GRID1: variants seen among roughly 807,000 people sequenced by gnomAD.
The protein encoded by GRID1 is glutamate ionotropic receptor delta type subunit 1.
In GRID1, 28 loss-of-function variants were observed where a neutral mutation model predicts 98.0. That is an observed-to-expected ratio of 0.29 (90% confidence interval 0.21 to 0.39). GRID1 has a LOEUF of 0.39. Among genes scored for constraint, GRID1 ranks in the 10% least tolerant of loss-of-function variants. The pLI, the probability that GRID1 is intolerant of heterozygous loss-of-function variation, is 1.00. For missense variants in GRID1, 1,111 were observed against 1,340.5 expected (o/e 0.83, Z 2.67); for synonymous variants, 553 against 538.5 (o/e 1.03, Z -0.37).
intron 2 of GRID1, among the ~76,000 whole-genome samples, chr10:86,306,913 C>A (rs903674621): frequency 1.3e-5 from 2 of 152,230 alleles, no homozygotes; most frequent in African/African-American, 4.8e-5. Context: ...TAACACTGCA[C>A]ATAATCAATA....
In GRID1 at chr10:85,724,695, T is replaced by A. The variant is rs755788838; in HGVS notation, c.1534-19A>T. 3 of 1,593,024 alleles carry A rather than the reference T, an allele frequency of 1.9e-6. No individual in the cohort carries two copies. In the East Asian group the frequency reaches 6.7e-5, roughly 36 times the overall value. Reference sequence around the variant, plus strand: ...CTGCTCTCTGAAAGGCAAAGCCATCTCATTTAGACGGCAGTCCTCAGCTTA... The same window carrying A: ...CTGCTCTCTGAAAGGCAAAGCCATCACATTTAGACGGCAGTCCTCAGCTTA... On this transcript the variant is annotated intron_variant, in intron 10 of 15. Transcript: ENST00000327946.
chr10:85,670,394 A>C (rs1841071425), intron 12 of GRID1, among the ~76,000 whole-genome samples: 1 of 152,232 alleles, frequency 6.6e-6, no homozygotes, highest in South Asian at 2.1e-4. Context: ...TGGGCTTTTT[A>C]AACAAGCCCA....
At chr10:85,993,412 G>T (rs1054515305) in intron 4 of GRID1, among the ~76,000 whole-genome samples, 18 of 152,240 alleles carry the variant, frequency 1.2e-4, no homozygotes, top group African/African-American at 4.3e-4. Context: ...AGGGTCACTT[G>T]TATGTGTAAA....
intron 13 of GRID1, among the ~76,000 whole-genome samples, chr10:85,622,401 A>AT (rs1418749176): frequency 6.6e-6 from 1 of 151,712 alleles, no homozygotes; most frequent in Admixed American, 6.6e-5. Flanking sequence ...CATTATATTT[A>AT]TTTTTTCTTT....
chr10:86,177,116 G>A (rs1487753390), intron 3 of GRID1, among the ~76,000 whole-genome samples: 3 of 150,972 alleles, frequency 2.0e-5, no homozygotes, highest in Admixed American at 1.3e-4. Flanking sequence ...CCAGGATCCC[G>A]ACCTCCCCCG....
intron 4 of GRID1, among the ~76,000 whole-genome samples, chr10:85,952,174 G>T (rs1030717936): frequency 1.3e-5 from 2 of 152,194 alleles, no homozygotes; most frequent in East Asian, 3.8e-4. Context: ...AAACAGGAAG[G>T]AAATGCAAGA....
chr10:85,609,955 T>A (rs1842715342), intron 15 of GRID1, among the ~76,000 whole-genome samples: 1 of 152,108 alleles, frequency 6.6e-6, no homozygotes, highest in Non-Finnish European at 1.5e-5. Context: ...TTAGAAAAAA[T>A]ATGAGCTGAA....
chr10:85,671,684 A>G (rs560160444), intron 12 of GRID1, among the ~76,000 whole-genome samples: 40 of 152,348 alleles, frequency 2.6e-4, no homozygotes, highest in Non-Finnish European at 4.1e-4. Context: ...AAATCTAGAA[A>G]TGATTACACT....
chr10:85,703,203 C>T (rs1324060516), intron 12 of GRID1, among the ~76,000 whole-genome samples: 1 of 151,944 alleles, frequency 6.6e-6, no homozygotes, highest in Admixed American at 6.6e-5. Context: ...ATAAAGGCAA[C>T]AGAAAATGTT....
chr10:86,071,698 A>G (rs1363350439), intron 4 of GRID1, among the ~76,000 whole-genome samples: 1 of 152,124 alleles, frequency 6.6e-6, no homozygotes, highest in Non-Finnish European at 1.5e-5. Flanking sequence ...AGGCATGCTG[A>G]GGGAGGTGGT....
At chr10:86,000,177 G>T (rs1842787695) in intron 4 of GRID1, among the ~76,000 whole-genome samples, 1 of 152,090 alleles carries the variant, frequency 6.6e-6, no homozygotes, top group African/African-American at 2.4e-5. Flanking sequence ...CCATATACTA[G>T]CAATGTAGAA....
chr10:86,110,563 G>C (rs1465003954), intron 4 of GRID1, among the ~76,000 whole-genome samples: 3 of 152,124 alleles, frequency 2.0e-5, no homozygotes, highest in Non-Finnish European at 4.4e-5. Context: ...CAGAAGCCTG[G>C]GGCTCACTAC....
chr10:86,352,914 A>T (rs1268412128), intron 2 of GRID1, among the ~76,000 whole-genome samples: 1 of 152,092 alleles, frequency 6.6e-6, no homozygotes, highest in East Asian at 1.9e-4. Context: ...GGACACTGAC[A>T]ATGAAAAAAC....
chr10:86,216,426 C>T (rs574187904), intron 2 of GRID1, among the ~76,000 whole-genome samples: 5 of 152,126 alleles, frequency 3.3e-5, no homozygotes, highest in Non-Finnish European at 5.9e-5. Flanking sequence ...TGGGATGGAA[C>T]TTATGTTAGG....
intron 2 of GRID1, among the ~76,000 whole-genome samples, chr10:86,221,777 C>T (rs1015612048): frequency 6.6e-6 from 1 of 152,166 alleles, no homozygotes; most frequent in African/African-American, 2.4e-5. Flanking sequence ...TTGTTTTGAT[C>T]CCAGGAGCAG....
chr10:85,817,627 C>T (rs1842727550), intron 8 of GRID1, among the ~76,000 whole-genome samples: 1 of 150,152 alleles, frequency 6.7e-6, no homozygotes, highest in Non-Finnish European at 1.5e-5. Flanking sequence ...GGTGCAGTGG[C>T]TCACGCCTGT....
At chr10:85,638,628 G>A (rs1215979099) in intron 13 of GRID1, among the ~76,000 whole-genome samples, 1 of 152,064 alleles carries the variant, frequency 6.6e-6, no homozygotes, top group African/African-American at 2.4e-5. Context: ...TAGGTCAATA[G>A]AATAAAATGA....
chr10:85,882,692 C>A (rs924034951), intron 5 of GRID1, among the ~76,000 whole-genome samples: 13 of 152,236 alleles, frequency 8.5e-5, no homozygotes, highest in Non-Finnish European at 1.9e-4. Flanking sequence ...TTAATGGGTG[C>A]AGCACACCAA....
At chr10:85,918,550 C>G (rs1054026950) in intron 4 of GRID1, among the ~76,000 whole-genome samples, 1 of 152,180 alleles carries the variant, frequency 6.6e-6, no homozygotes, top group African/African-American at 2.4e-5. Flanking sequence ...CACTATAGCC[C>G]AGTCATGGAG....
Sources: gnomAD v4.1 joint callset for allele counts (sites outside exome capture counted in the v4.1 genomes callset) on GRCh38, gnomAD v4.1.1 for gene constraint, MANE v1.5 for transcripts, NCBI Gene and HGNC (gene_info 2026-07-23, HGNC 2026-07-21) for gene names.